CHCHD3: variants seen among roughly 807,000 people sequenced by gnomAD.
CHCHD3 encodes the protein coiled-coil-helix-coiled-coil-helix domain containing 3.
A neutral mutation model predicts 38.2 loss-of-function variants in CHCHD3; 20 were observed. That is an observed-to-expected ratio of 0.52 (90% CI 0.37 to 0.76). The LOEUF is 0.76. Ranked by LOEUF, CHCHD3 falls within the 30% of genes least tolerant of loss-of-function variation. The pLI, the probability that CHCHD3 is intolerant of heterozygous loss-of-function variation, is 0.00. For synonymous variants in CHCHD3, 82 were observed against 100.0 expected, an observed-to-expected ratio of 0.82 and a Z score of 1.07; for missense variants, 245 against 279.2, an observed-to-expected ratio of 0.88 and a Z score of 0.87.
intron 3 of CHCHD3, among the ~76,000 whole-genome samples, chr7:132,990,576 T>A (rs1339846359): frequency 6.6e-6 from 1 of 152,184 alleles, no homozygotes; most frequent in Non-Finnish European, 1.5e-5. Context: ...GGGTGGGGTC[T>A]CATAAAGAGG....
chr7:132,791,308 C>G (rs1478666470), intron 7 of CHCHD3, among the ~76,000 whole-genome samples: 1 of 152,148 alleles, frequency 6.6e-6, no homozygotes, highest in Non-Finnish European at 1.5e-5. Flanking sequence ...AGGAAAAATA[C>G]CCTGGTTTTG....
At chr7:132,829,953 T>C (rs1375027514) in intron 6 of CHCHD3, among the ~76,000 whole-genome samples, 3 of 152,190 alleles carry the variant, frequency 2.0e-5, no homozygotes, top group Non-Finnish European at 4.4e-5. Flanking sequence ...TTGAGTGGAA[T>C]ACTGTGGCGA....
At chr7:132,902,129 T>C (rs544844820) in intron 4 of CHCHD3, among the ~76,000 whole-genome samples, 1 of 152,138 alleles carries the variant, frequency 6.6e-6, no homozygotes, top group African/African-American at 2.4e-5. Context: ...TGAGATACCA[T>C]CTCATTTAGA....
intron 5 of CHCHD3, among the ~76,000 whole-genome samples, chr7:132,848,815 AT>A (rs1406334381): frequency 6.6e-6 from 1 of 152,166 alleles, no homozygotes; most frequent in Non-Finnish European, 1.5e-5. Flanking sequence ...AGAATATTTT[AT>A]TACTGAAACT....
chr7:132,978,529 G>A (rs945782408), intron 3 of CHCHD3, among the ~76,000 whole-genome samples: 1 of 151,908 alleles, frequency 6.6e-6, no homozygotes, highest in Non-Finnish European at 1.5e-5. Context: ...GTATGCATGT[G>A]TGAATGAATG....
Position 132,967,625 on chromosome 7 carries a change from T to TAAA in CHCHD3, c.369+7543_369+7544insTTT, listed in dbSNP as rs1359829278. Reference sequence around the variant, plus strand: ...GGGCAACGTGGCAAAATGCTGTTTCTTAAATAAATAAATAAATAAATAAAT... The same window carrying TAAA: ...GGGCAACGTGGCAAAATGCTGTTTCTAAATAAATAAATAAATAAATAAATAAAT... On this transcript the variant is annotated intron_variant, in intron 4 of 7. Coordinates refer to ENST00000262570, the MANE Select transcript of CHCHD3 (RefSeq NM_017812.4). 6.4e-5 allele frequency among the ~76,000 whole-genome samples: 9 copies of TAAA among 140,020 alleles called. No individual in the cohort carries two copies. The South Asian group carries it at 7.0e-4, about 11-fold the overall frequency. The allele number at this position is 140,020 out of a possible 152,430, so 91.9% of individuals were successfully genotyped here.
intron 4 of CHCHD3, among the ~76,000 whole-genome samples, chr7:132,915,958 T>A (rs889496180): frequency 3.3e-5 from 5 of 151,460 alleles, no homozygotes; most frequent in Non-Finnish European, 5.9e-5. Flanking sequence ...TAAAAAAATT[T>A]TTTTTTTTTT....
chr7:132,884,292 T>G (rs960246422), intron 5 of CHCHD3, among the ~76,000 whole-genome samples: 2 of 152,122 alleles, frequency 1.3e-5, no homozygotes, highest in Non-Finnish European at 2.9e-5. Context: ...TGTACCCAAC[T>G]CCATGCCTAA....
intron 4 of CHCHD3, among the ~76,000 whole-genome samples, chr7:132,957,670 G>A (rs940478798): frequency 6.6e-6 from 1 of 152,026 alleles, no homozygotes; most frequent in Non-Finnish European, 1.5e-5. Context: ...TAGTAGAGAT[G>A]GGGTTTCGCC....
chr7:133,002,698 G>A (rs1340892645), intron 3 of CHCHD3, among the ~76,000 whole-genome samples: 1 of 151,852 alleles, frequency 6.6e-6, no homozygotes, highest in Non-Finnish European at 1.5e-5. Context: ...CAGAGTGGGA[G>A]TATATTTAAA....
intron 2 of CHCHD3, among the ~76,000 whole-genome samples, chr7:133,050,542 G>C (rs1814133914): frequency 6.6e-6 from 1 of 151,634 alleles, no homozygotes; most frequent in Non-Finnish European, 1.5e-5. Flanking sequence ...CAGAAGACTT[G>C]GGCTCTGAAT....
In CHCHD3 at chr7:132,809,080, G is replaced by T. The variant is rs188490361; in HGVS notation, c.525-12503C>A. On this transcript the variant is annotated intron_variant, in intron 6 of 7. Coordinates refer to ENST00000262570, the MANE Select transcript of CHCHD3 (RefSeq NM_017812.4). Reference sequence around the variant, plus strand: ...TCCTCCCACCTCAGCCTCCTGAGTAGCTGGGACTACAGGCGTGTACCACCA... The same window carrying T: ...TCCTCCCACCTCAGCCTCCTGAGTATCTGGGACTACAGGCGTGTACCACCA... Among the ~76,000 whole-genome samples, 968 of 151,828 alleles carry T rather than the reference G, an allele frequency of 6.4e-3. 11 individuals are homozygous for T. The highest frequency in any genetic ancestry group is 0.023 in the African/African-American group (937 of 41,416).
At chr7:133,052,041 A>C (rs1273839056) in intron 2 of CHCHD3, 2 of 152,226 alleles carry the variant, frequency 1.3e-5, no homozygotes, top group African/African-American at 4.8e-5. Flanking sequence ...CTAGTCAGCA[A>C]TCCAATACCA....
Position 132,914,268 on chromosome 7 carries a change from A to G in CHCHD3, c.370-28523T>C, listed in dbSNP as rs1447722894. On this transcript the variant is annotated intron_variant, in intron 4 of 7. Transcript: ENST00000262570. ...CTCCCAAAGTGCCGGGATTACAGGC[A>G]TGAGCCGACACACCCGGCCTAAGGC... is the stretch of plus-strand genomic sequence containing the variant. Among the ~76,000 whole-genome samples the G allele has an allele frequency of 5.9e-5, 9 of 152,260 alleles. No individual in the cohort carries two copies. In the East Asian group the frequency reaches 1.4e-3, roughly 23 times the overall value.
chr7:132,976,156 T>C (rs763097476), intron 3 of CHCHD3, among the ~76,000 whole-genome samples: 2 of 152,072 alleles, frequency 1.3e-5, no homozygotes, highest in African/African-American at 2.4e-5. Context: ...TCCCAGTATA[T>C]TACCCCTATT....
In CHCHD3 at chr7:132,872,901, G is replaced by A. The variant is rs896318711; in HGVS notation, c.453+12761C>T. On this transcript the variant is annotated intron_variant, in intron 5 of 7. Transcript: ENST00000262570. ...CAGGTAGATCACTTGAGGTCAGCTC[G>A]ACATCAGCCGGGCAGACATGGTGAA... 3.9e-5 allele frequency among the ~76,000 whole-genome samples: 6 copies of A among 151,992 alleles called. No homozygotes were observed. The East Asian group carries it at 1.2e-3, about 30-fold the overall frequency.
chr7:132,819,245 T>C (rs969665723), intron 6 of CHCHD3, among the ~76,000 whole-genome samples: 4 of 152,206 alleles, frequency 2.6e-5, no homozygotes, highest in Admixed American at 1.3e-4. Context: ...TCTATAATTC[T>C]TAGTTTTTAG....
chr7:132,971,636 G>A (rs1212274337), intron 4 of CHCHD3, among the ~76,000 whole-genome samples: 1 of 152,140 alleles, frequency 6.6e-6, no homozygotes, highest in Non-Finnish European at 1.5e-5. Context: ...GGGGGTGTGG[G>A]GTAAGGGGTG....
At chr7:132,913,710 C>A (rs1231424300) in intron 4 of CHCHD3, among the ~76,000 whole-genome samples, 3 of 152,166 alleles carry the variant, frequency 2.0e-5, no homozygotes, top group Non-Finnish European at 2.9e-5. Flanking sequence ...GGAATCTGCA[C>A]AGAGAGGCAC....
Sources: gnomAD v4.1 joint callset for allele counts (sites outside exome capture counted in the v4.1 genomes callset) on GRCh38, gnomAD v4.1.1 for gene constraint, MANE v1.5 for transcripts, NCBI Gene and HGNC (gene_info 2026-07-23, HGNC 2026-07-21) for gene names.